Variants in JMJD1C observed in about 807,000 individuals in gnomAD.
JMJD1C encodes jumonji domain containing 1C.
JMJD1C carries 31 observed loss-of-function variants against 245.3 expected under a neutral mutation model. The ratio of observed to expected loss-of-function variants is 0.13; its 90% CI spans 0.09 to 0.17. JMJD1C has a LOEUF of 0.17. Ranked by LOEUF, JMJD1C falls within the 10% of genes least tolerant of loss-of-function variation. The probability of loss-of-function intolerance (pLI) is 1.00; values close to 1 mark genes in which losing one functional copy is unlikely to be tolerated. For missense variants in JMJD1C, 2,691 were observed against 3,000.2 expected, an observed-to-expected ratio of 0.90 and a Z score of 2.41; for synonymous variants, 1,057 against 1,017.4, an observed-to-expected ratio of 1.04 and a Z score of -0.74.
chr10:63,244,501 T>C lies in JMJD1C; in HGVS notation c.447+20150A>G, dbSNP rs571656554. 1.6e-4 allele frequency among the ~76,000 whole-genome samples: 24 copies of C among 152,202 alleles called. 1 individual carries two copies. The South Asian group carries it at 3.1e-3, about 20-fold the overall frequency. Reference sequence around the variant, plus strand: ...TAACCAATCCTTCAATGCAAAGACATAGACATACATCCAAAAGAAACAACA... The same window carrying C: ...TAACCAATCCTTCAATGCAAAGACACAGACATACATCCAAAAGAAACAACA... On this transcript the variant is annotated intron_variant, in intron 3 of 25. Transcript: ENST00000399262.
At chr10:63,489,582 T>C (rs1443488338) in intron 1 of JMJD1C, 5 of 162,588 alleles carry the variant, frequency 3.1e-5, no homozygotes, top group Non-Finnish European at 6.6e-5. Flanking sequence ...GGAAAAGTAC[T>C]GCAAGCAAGA....
At chr10:63,262,305 T>G (rs1854878166) in intron 3 of JMJD1C, among the ~76,000 whole-genome samples, 1 of 152,172 alleles carries the variant, frequency 6.6e-6, no homozygotes, top group Non-Finnish European at 1.5e-5. Flanking sequence ...TTTTCTTCTT[T>G]CTAGAACATT....
At position 63,253,845 on chromosome 10, in the gene JMJD1C, A is replaced by C. The variant is rs146404187; in HGVS notation, c.447+10806T>G. On this transcript the variant is annotated intron_variant, in intron 3 of 25. Transcript: ENST00000399262. ...CCTCCGCATCCCTACGACCAGAATG[A>C]ATTCCTTATTCCTCCCTGGTCTCTG... Among the ~76,000 whole-genome samples the C allele has an allele frequency of 1.1e-3, 165 of 152,218 alleles. 2 individuals carry two copies. Among genetic ancestry groups the C allele is most frequent in the Middle Eastern group, 6.8e-3 (2 of 294 alleles).
intron 2 of JMJD1C, among the ~76,000 whole-genome samples, chr10:63,307,211 G>GC (rs1357629770): frequency 6.6e-6 from 1 of 151,594 alleles, no homozygotes; most frequent in Non-Finnish European, 1.5e-5. Context: ...ATTCCAAAAA[G>GC]CAAGAATGAA....
At chr10:63,404,598 T>C (rs555583776) in intron 1 of JMJD1C, among the ~76,000 whole-genome samples, 40 of 152,078 alleles carry the variant, frequency 2.6e-4, no homozygotes, top group Non-Finnish European at 5.0e-4. Flanking sequence ...AATTATCTCT[T>C]AATATGAAAA....
chr10:63,193,289 A>T, intron 15 of JMJD1C, 56 bp downstream of exon 15: 1 of 1,520,780 alleles, frequency 6.6e-7, no homozygotes, highest in East Asian at 2.3e-5. Context: ...AATAAATATC[A>T]AAGTTGACTA....
intron 2 of JMJD1C, among the ~76,000 whole-genome samples, chr10:63,269,612 A>T (rs753086369): frequency 2.6e-5 from 4 of 152,214 alleles, no homozygotes; most frequent in Non-Finnish European, 4.4e-5. Flanking sequence ...TTGCCTTAAA[A>T]ATATTAAAAA....
At chr10:63,322,697 G>A (rs1941025371) in intron 2 of JMJD1C, among the ~76,000 whole-genome samples, 1 of 150,042 alleles carries the variant, frequency 6.7e-6, no homozygotes, top group Non-Finnish European at 1.5e-5. Flanking sequence ...CAGCTACTAG[G>A]GAGGCTGAGG....
rs1406598837 is a variant in JMJD1C, at chr10:63,284,896, CACACACACACAT to C, written c.334-20144_334-20133del. ...ACACACACACACACACACACACACA[CACACACACACAT>C]TCTCTCTACTCGCTGTCTCTCACAC... On this transcript the variant is annotated intron_variant, in intron 2 of 25. Transcript: ENST00000399262. 6.3e-4 allele frequency among the ~76,000 whole-genome samples: 87 copies of C among 138,462 alleles called. 1 individual carries two copies. Among genetic ancestry groups the C allele is most frequent in the South Asian group, 2.7e-3 (12 of 4,524 alleles). The allele number at this position is 138,462 out of a possible 152,430, so 90.8% of individuals were successfully genotyped here.
intron 1 of JMJD1C, among the ~76,000 whole-genome samples, chr10:63,416,689 T>C (rs1025079333): frequency 6.6e-6 from 1 of 152,182 alleles, no homozygotes; most frequent in Non-Finnish European, 1.5e-5. Flanking sequence ...CTATTTTACA[T>C]AAGTAATGAA....
At chr10:63,464,034 C>CTGGA (rs1395222700) in intron 1 of JMJD1C, among the ~76,000 whole-genome samples, 3 of 152,010 alleles carry the variant, frequency 2.0e-5, no homozygotes, top group Non-Finnish European at 2.9e-5. Context: ...GTTGCCCAGG[C>CTGGA]TGGACTCTTA....
In JMJD1C at chr10:63,394,172, G is replaced by C. The variant is rs547380452; in HGVS notation, c.169-13690C>G. 2.8e-5 allele frequency among the ~76,000 whole-genome samples: 4 copies of C among 141,198 alleles called. No individual in the cohort carries two copies. In the East Asian group the frequency reaches 8.5e-4, roughly 30 times the overall value. The allele number at this position is 141,198 out of a possible 152,430, so 92.6% of individuals were successfully genotyped here. On this transcript the variant is annotated intron_variant, in intron 1 of 25. Transcript: ENST00000399262. The stretch of plus-strand genomic sequence containing the variant: ...ACTGAACTCCAGCCAGGGAGACTGA[G>C]TGAGACTCCGTCTCCAAAAAAAAAA...
In JMJD1C at chr10:63,217,162, T is replaced by C. The variant is rs768017076; in HGVS notation, c.678+45A>G. ...ATGTATTTTGGGGGGCATGGATGAT[T>C]TGAACTTTTAAAATCTCTATAAAAA... On this transcript the variant is annotated intron_variant, in intron 5 of 25. Coordinates refer to ENST00000399262, the MANE Select transcript of JMJD1C (RefSeq NM_032776.3). The C allele has an allele frequency of 2.2e-5, 34 of 1,555,178 alleles. No homozygotes were observed. The South Asian group carries it at 3.2e-4, about 15-fold the overall frequency.
chr10:63,186,177 G>A, intron 19 of JMJD1C, 38 bp downstream of exon 19: 3 of 1,451,004 alleles, frequency 2.1e-6, no homozygotes, highest in Non-Finnish European at 2.9e-6. Flanking sequence ...TTTTGAAGGA[G>A]TATGATGGAG....
intron 2 of JMJD1C, among the ~76,000 whole-genome samples, chr10:63,336,581 T>C (rs1411598963): frequency 6.6e-6 from 1 of 152,104 alleles, no homozygotes; most frequent in African/African-American, 2.4e-5. Flanking sequence ...TTAAAATCTA[T>C]AGAATAAATA....
At position 63,294,275 on chromosome 10, in the gene JMJD1C, T is replaced by C. The variant is rs1859114853; in HGVS notation, c.334-29511A>G. 1.3e-5 allele frequency among the ~76,000 whole-genome samples: 2 copies of C among 151,856 alleles called. 1 individual carries two copies. Among genetic ancestry groups the C allele is most frequent in the South Asian group, 4.2e-4 (2 of 4,802 alleles). ...AAGATGTTTCCCTTTATCTGTTCAG[T>C]TCAATCTTTTTTTTTTTTTTAATTT... is the stretch of plus-strand genomic sequence containing the variant. On this transcript the variant is annotated intron_variant, in intron 2 of 25. Transcript: ENST00000399262.
chr10:63,391,431 ACT>A (rs1457041857), intron 1 of JMJD1C, among the ~76,000 whole-genome samples: 1 of 151,964 alleles, frequency 6.6e-6, no homozygotes, highest in Non-Finnish European at 1.5e-5. Context: ...AATGGTGTGA[ACT>A]CGGGAGGCAG....
chr10:63,491,146 A>G (rs1324097140), intron 1 of JMJD1C, among the ~76,000 whole-genome samples: 2 of 152,228 alleles, frequency 1.3e-5, no homozygotes, highest in Non-Finnish European at 2.9e-5. Context: ...CAAAGAATGA[A>G]GATGGCAGAT....
chr10:63,200,366 G>T, intron 11 of JMJD1C, 110 bp downstream of exon 11: 1 of 739,768 alleles, frequency 1.4e-6, no homozygotes, highest in Non-Finnish European at 2.2e-6. Flanking sequence ...AAAACATGGA[G>T]ACTCAAAGAC....
Sources: gnomAD v4.1 joint callset for allele counts (sites outside exome capture counted in the v4.1 genomes callset) on GRCh38, gnomAD v4.1.1 for gene constraint, MANE v1.5 for transcripts, NCBI Gene and HGNC (gene_info 2026-07-23, HGNC 2026-07-21) for gene names.